Variants in CDK4 observed in about 807,000 individuals in gnomAD.
The protein encoded by CDK4 is cyclin-dependent kinase 4.
A neutral mutation model predicts 36.7 loss-of-function variants in CDK4; 13 were observed. The ratio of observed to expected loss-of-function variants is 0.35; its 90% CI spans 0.23 to 0.56. The LOEUF (loss-of-function observed/expected upper bound fraction) is 0.56, where lower values mean the gene tolerates loss of function less well. Among genes scored for constraint, CDK4 ranks in the 20% least tolerant of loss-of-function variants. The pLI is 0.85. For synonymous variants in CDK4, 158 were observed against 146.4 expected (o/e 1.08, Z -0.57); for missense variants, 285 against 387.3 (o/e 0.74, Z 2.22).
At position 57,751,292 on chromosome 12, in the gene CDK4, G is replaced by A. The variant is rs1955234447; in HGVS notation, c.269C>T (p.Thr90Ile). ...TSRTDREIKVTLVFEHVDQDL... is the reference protein window; with the variant it reads ...TSRTDREIKVILVFEHVDQDL... Reference sequence around the variant, plus strand: ...CTGGTCTACATGCTCAAACACCAGGGTTACCTTGATCTCCCGGTCAGTTCG... The same window carrying A: ...CTGGTCTACATGCTCAAACACCAGGATTACCTTGATCTCCCGGTCAGTTCG... Residue 90 changes from threonine (T) to isoleucine (I), a missense_variant, in exon 3 of 8, where the codon ACC becomes ATC. Transcript: ENST00000257904. This position sits in a 1 kb window ranked among gnomAD's most constrained non-coding sequence, Gnocchi z 4.5. 9 of 1,614,012 alleles carry A rather than the reference G, an allele frequency of 5.6e-6. No individual in the cohort carries two copies. The South Asian group carries it at 8.8e-5, about 16-fold the overall frequency.
intron 6 of CDK4, 32 bp from the exon 7 acceptor site, chr12:57,749,349 G>A (rs1461580187): frequency 6.2e-7 from 1 of 1,614,076 alleles, no homozygotes; most frequent in Admixed American, 1.7e-5. Context: ...TGGTCAGGAG[G>A]GTCCTCCAGT....
rs2140388684 is a variant in CDK4, at chr12:57,751,674, C to T, written c.44G>A (p.Gly15Asp). 6.2e-7 allele frequency: 1 copy of T among 1,614,216 alleles called. No homozygotes were observed. Among genetic ancestry groups the T allele is most frequent in the Non-Finnish European group, 8.5e-7 (1 of 1,180,038 alleles). ...GGCCTTGTACACTGTCCCATAGGCACCGACACCAATTTCAGCCACTGGCTC... is the reference window on the plus strand; with the variant it reads ...GGCCTTGTACACTGTCCCATAGGCATCGACACCAATTTCAGCCACTGGCTC... ...RYEPVAEIGV[G>D]AYGTVYKARD... The change falls in exon 2 of 8, where the codon GGT becomes GAT. Residue 15 changes from glycine to aspartate, a missense_variant. Transcript: ENST00000257904. This position sits in a 1 kb window ranked among gnomAD's most constrained non-coding sequence, Gnocchi z 4.5.
At position 57,748,815 on chromosome 12, in the gene CDK4, C is replaced by T. The variant is rs1205030164; in HGVS notation, c.820-198G>A. 1.2e-5 allele frequency: 7 copies of T among 573,520 alleles called. No individual in the cohort carries two copies. The Admixed American group carries it at 1.8e-4, about 14-fold the overall frequency. The allele number at this position is 573,520 out of a possible 1,614,324, so 35.5% of individuals were successfully genotyped here. ...CCGCCTCCTGAGTTGAAGTGATTCT[C>T]CTATCTCAGCCTCCCAAGTAGCTGA... On this transcript the variant is annotated intron_variant, in intron 7 of 7. Coordinates refer to ENST00000257904, the MANE Select transcript of CDK4 (RefSeq NM_000075.4).
rs964014218 is a variant in CDK4, at chr12:57,747,990, C to T, written c.*535G>A. 7 of 217,862 alleles carry T rather than the reference C, an allele frequency of 3.2e-5. No individual in the cohort carries two copies. Among genetic ancestry groups the T allele is most frequent in the Non-Finnish European group, 4.7e-5 (5 of 107,454 alleles). 13.5% of individuals were successfully genotyped at this position (217,862 alleles called of 1,614,324 possible). A position where few individuals can be genotyped will look rare whatever the true frequency, so the allele number is the denominator to read the frequency against. ...CTCCTGACCTCAGGTGATCCACCCG[C>T]GTTGGCCTCCCAACGTGCTGGGATT... On this transcript the variant is annotated 3_prime_UTR_variant, in exon 8 of 8. Coordinates refer to ENST00000257904, the MANE Select transcript of CDK4 (RefSeq NM_000075.4).
chr12:57,749,770 G>T (rs1485916544), intron 5 of CDK4: 2 of 520,684 alleles, frequency 3.8e-6, no homozygotes, highest in Non-Finnish European at 6.9e-6. Flanking sequence ...AGTCTGATGT[G>T]GGTGGATCAT....
Position 57,749,662 on chromosome 12 carries a change from T to C in CDK4, c.633-158A>G, listed in dbSNP as rs3211620. Reference sequence around the variant, plus strand: ...TGAGAGGACTGCTTGAGCCCAGGAGTTCTAGATCAGCCTGGGCAAGCAAGA... The same window carrying C: ...TGAGAGGACTGCTTGAGCCCAGGAGCTCTAGATCAGCCTGGGCAAGCAAGA... On this transcript the variant is annotated intron_variant, in intron 5 of 7. Coordinates refer to ENST00000257904, the MANE Select transcript of CDK4 (RefSeq NM_000075.4). 7,857 of 732,070 alleles carry C rather than the reference T, an allele frequency of 0.011. 70 individuals are homozygous for C. The highest frequency in any genetic ancestry group is 0.015 in the Non-Finnish European group (5,987 of 409,878). 45.3% of individuals were successfully genotyped at this position (732,070 alleles called of 1,614,324 possible).
At chr12:57,750,793 G>T (rs1955227690) in intron 4 of CDK4, 28 bp from the exon 5 acceptor site, 1 of 1,592,190 alleles carries the variant, frequency 6.3e-7, no homozygotes, top group Non-Finnish European at 8.6e-7. Flanking sequence ...AATGGATGGG[G>T]ACCCCATGGG....
chr12:57,748,299 A>G lies in CDK4; in HGVS notation c.*226T>C. The G allele has an allele frequency of 2.0e-6, 1 of 505,934 alleles. No homozygotes were observed. Among genetic ancestry groups the G allele is most frequent in the Non-Finnish European group, 3.6e-6 (1 of 278,558 alleles). 31.3% of individuals were successfully genotyped at this position (505,934 alleles called of 1,614,324 possible). On this transcript the variant is annotated 3_prime_UTR_variant, in exon 8 of 8. Transcript: ENST00000257904. The stretch of plus-strand genomic sequence containing the variant: ...AGGACCCCAAATATAAAGGTAGGGA[A>G]AGGGACAAGAGGGAACATACCCCTT...
intron 7 of CDK4, 83 bp downstream of exon 7, chr12:57,749,099 A>G (rs2140382230): frequency 1.9e-6 from 3 of 1,548,680 alleles, no homozygotes; most frequent in Non-Finnish European, 2.7e-6. Flanking sequence ...TTCATTAACC[A>G]CAGTGGCCAG....
rs2140387876 is a variant in CDK4, at chr12:57,751,428, G to C, written c.218+72C>G. The stretch of plus-strand genomic sequence containing the variant: ...TCCTCAGGGTCCCCACTTCTCTACA[G>C]ATCATCACACCCCACCTATAGGCTG... On this transcript the variant is annotated intron_variant, in intron 2 of 7. Transcript: ENST00000257904. The surrounding 1 kb of genome is among the most constrained non-coding windows in gnomAD (Gnocchi z 4.5). 3 of 1,609,254 alleles carry C rather than the reference G, an allele frequency of 1.9e-6. No homozygotes were observed. Among genetic ancestry groups the C allele is most frequent in the Non-Finnish European group, 2.6e-6 (3 of 1,176,014 alleles).
Position 57,749,703 on chromosome 12 carries a change from T to TA in CDK4, c.633-200dup, listed in dbSNP as rs1373608940. The TA allele has an allele frequency of 4.6e-4, 285 of 620,656 alleles. 1 individual carries two copies. The highest frequency in any genetic ancestry group is 1.3e-3 in the East Asian group (45 of 35,636). The allele number at this position is 620,656 out of a possible 1,614,324, so 38.4% of individuals were successfully genotyped here. ...GCAAGCAAGACCTTGTCTCTTTTTT[T>TA]AAAAAAAAAGAAATGCCAGGTGCAG... On this transcript the variant is annotated intron_variant, in intron 5 of 7. Coordinates refer to ENST00000257904, the MANE Select transcript of CDK4 (RefSeq NM_000075.4).
At chr12:57,752,080 G>A (rs1955244067) in intron 1 of CDK4, 95 bp downstream of exon 1, 1 of 372,578 alleles carries the variant, frequency 2.7e-6, no homozygotes, top group Non-Finnish European at 5.1e-6. Flanking sequence ...CCGCCCTTGA[G>A]CGACCCTTCC....
chr12:57,749,547 T>C, intron 5 of CDK4, 43 bp from the exon 6 acceptor site: 4 of 1,583,910 alleles, frequency 2.5e-6, no homozygotes, highest in South Asian at 2.2e-5. Context: ...TTTTCAAAGA[T>C]ATCTTAGTTG....
At chr12:57,748,986 G>A (rs538041695) in intron 7 of CDK4, 196 bp downstream of exon 7, 11 of 712,048 alleles carry the variant, frequency 1.5e-5, no homozygotes, top group East Asian at 5.5e-5. Context: ...GATTACAGGC[G>A]TGAGCCACCG....
At position 57,749,156 on chromosome 12, in the gene CDK4, CCTGTGCCCA is replaced by C. The variant is rs1565805583; in HGVS notation, c.819+17_819+25del. 2 of 1,613,992 alleles carry C rather than the reference CCTGTGCCCA, an allele frequency of 1.2e-6. No homozygotes were observed. The highest frequency in any genetic ancestry group is 2.2e-5 in the South Asian group (2 of 91,076). ...TCTTTCCCCAGTCTCTATTTCTTTC[CCTGTGCCCA>C]CAGCCATCTCCAGTACCAGCAGCAG... On this transcript the variant is annotated intron_variant, in intron 7 of 7. Transcript: ENST00000257904.
intron 7 of CDK4, 129 bp downstream of exon 7, chr12:57,749,053 C>A: frequency 8.4e-7 from 1 of 1,192,454 alleles, no homozygotes; most frequent in Non-Finnish European, 1.3e-6. Flanking sequence ...CTATTTGCAG[C>A]TGTAATAAAA....
At chr12:57,749,528 T>C in intron 5 of CDK4, 24 bp from the exon 6 acceptor site, 1 of 1,611,522 alleles carries the variant, frequency 6.2e-7, no homozygotes, top group South Asian at 1.1e-5. Flanking sequence ...GGATATAAGG[T>C]AGCAGTCATT....
rs876659522 is a variant in CDK4, at chr12:57,748,596, G to A, written c.841C>T (p.His281Tyr). Residue 281 changes from histidine (H) to tyrosine (Y), a missense_variant, in exon 8 of 8, where the codon CAC (histidine) becomes TAC (tyrosine). Transcript: ENST00000257904. ...GCTCGAAAGGCAGAGATTCGCTTGT[G>A]TGGGTTAAAAGTCAGCATTTCCTGA... ...LLLEMLTFNP[H>Y]KRISAFRALQ... The A allele has an allele frequency of 1.2e-6, 2 of 1,613,794 alleles. No individual in the cohort carries two copies. Among genetic ancestry groups the A allele is most frequent in the Non-Finnish European group, 1.7e-6 (2 of 1,179,720 alleles).
chr12:57,749,355 C>T lies in CDK4; in HGVS notation c.684-38G>A, dbSNP rs755392965. On this transcript the variant is annotated intron_variant, in intron 6 of 7. Transcript: ENST00000257904. ...GGAGAACTCTGGTCAGGAGGGTCCT[C>T]CAGTTCCCATCCCCATGGGCAGAGC... 8 of 1,614,082 alleles carry T rather than the reference C, an allele frequency of 5.0e-6. No homozygotes were observed. The Admixed American group carries it at 1.2e-4, about 24-fold the overall frequency.
Sources: allele counts gnomAD v4.1 joint callset, GRCh38; gene constraint gnomAD v4.1.1; non-coding constraint Gnocchi (gnomAD v3.1); transcripts MANE v1.5; gene names NCBI Gene and HGNC (gene_info 2026-07-23, HGNC 2026-07-21).